The following EGFLAM variants were observed in gnomAD, a reference collection of about 807,000 sequenced individuals.
EGFLAM encodes the protein pikachurin.
A neutral mutation model predicts 113.1 loss-of-function variants in EGFLAM; 79 were observed. The ratio of observed to expected loss-of-function variants is 0.70; its 90% CI spans 0.58 to 0.84. The LOEUF (loss-of-function observed/expected upper bound fraction) is 0.84. EGFLAM is among the 40% of genes least tolerant of loss of function. The pLI, the probability that EGFLAM is intolerant of heterozygous loss-of-function variation, is 0.00. For missense variants in EGFLAM, 1,265 were observed against 1,291.6 expected (o/e 0.98, Z 0.32); for synonymous variants, 504 against 487.6 (o/e 1.03, Z -0.44).
At chr5:38,385,934 T>C (rs1740648673) in intron 6 of EGFLAM, among the ~76,000 whole-genome samples, 1 of 152,204 alleles carries the variant, frequency 6.6e-6, no homozygotes, top group Admixed American at 6.5e-5. Context: ...CTAGGATCTA[T>C]GGTATAGCTT....
intron 6 of EGFLAM, among the ~76,000 whole-genome samples, chr5:38,387,485 T>C (rs1424880554): frequency 1.3e-5 from 2 of 152,190 alleles, no homozygotes; most frequent in Non-Finnish European, 2.9e-5. Context: ...GTAGTTGGTG[T>C]TTTCTCAAGG....
At chr5:38,462,667 C>T (rs1179505319) in intron 20 of EGFLAM, 6 of 441,112 alleles carry the variant, frequency 1.4e-5, no homozygotes, top group African/African-American at 6.0e-5. Context: ...TTGTGGTCTT[C>T]GCCGTGGAGT....
In EGFLAM at chr5:38,262,609, G is replaced by A. The variant is rs180720522; in HGVS notation, c.97+3758G>A. Among the ~76,000 whole-genome samples the A allele has an allele frequency of 8.5e-5, 13 of 152,158 alleles. No homozygotes were observed. In the East Asian group the frequency reaches 1.4e-3, roughly 16 times the overall value. On this transcript the variant is annotated intron_variant, in intron 1 of 21. Coordinates refer to ENST00000322350, the MANE Select transcript of EGFLAM (RefSeq NM_152403.4). ...TCATATTTTGTGTCCACCCTCTGTC[G>A]CATAATGCTTTTAAGATCCATCCAT...
intron 1 of EGFLAM, among the ~76,000 whole-genome samples, chr5:38,287,358 A>G (rs973761027): frequency 2.3e-4 from 35 of 152,276 alleles, no homozygotes; most frequent in Non-Finnish European, 1.0e-4. Flanking sequence ...AGTAGGTTCA[A>G]TGCAGCCCTC....
intron 6 of EGFLAM, chr5:38,402,097 T>C (rs1426288241): frequency 6.6e-6 from 1 of 152,062 alleles, no homozygotes; most frequent in Admixed American, 6.6e-5. Flanking sequence ...TGTAAGGAGA[T>C]AGGAGTGGGA....
At chr5:38,350,295 A>C (rs866071101) in intron 3 of EGFLAM, among the ~76,000 whole-genome samples, 1 of 152,208 alleles carries the variant, frequency 6.6e-6, no homozygotes, top group Non-Finnish European at 1.5e-5. Flanking sequence ...ATTTCAATAA[A>C]GGGCCATCCT....
At chr5:38,277,883 T>C (rs1757924197) in intron 1 of EGFLAM, among the ~76,000 whole-genome samples, 1 of 151,972 alleles carries the variant, frequency 6.6e-6, no homozygotes, top group African/African-American at 2.4e-5. Flanking sequence ...ACGAAAGAAA[T>C]TGAAGAAGAC....
intron 1 of EGFLAM, among the ~76,000 whole-genome samples, chr5:38,317,493 T>TA (rs1319738091): frequency 2.6e-5 from 4 of 152,270 alleles, no homozygotes; most frequent in Admixed American, 2.6e-4. Flanking sequence ...ACTGTCTTTG[T>TA]AAAATGCCAA....
intron 1 of EGFLAM, among the ~76,000 whole-genome samples, chr5:38,266,307 G>A (rs976619609): frequency 6.6e-6 from 1 of 152,130 alleles, no homozygotes; most frequent in Non-Finnish European, 1.5e-5. Flanking sequence ...GTGACAGTGG[G>A]TCAGTTATAT....
At chr5:38,416,495 A>G (rs1236493376) in intron 11 of EGFLAM, among the ~76,000 whole-genome samples, 1 of 152,190 alleles carries the variant, frequency 6.6e-6, no homozygotes, top group East Asian at 1.9e-4. Context: ...ATTTCTCTGT[A>G]CAGGCAGGCA....
intron 6 of EGFLAM, among the ~76,000 whole-genome samples, chr5:38,372,949 C>G: frequency 6.6e-6 from 1 of 151,690 alleles, no homozygotes; most frequent in Non-Finnish European, 1.5e-5. Flanking sequence ...CATGATTTTC[C>G]CATACATAAA....
At chr5:38,345,864 T>C (rs959510333) in intron 3 of EGFLAM, 4 of 152,240 alleles carry the variant, frequency 2.6e-5, no homozygotes, top group Non-Finnish European at 5.9e-5. Context: ...CAAAGATTTA[T>C]GCTGTGTGGT....
At chr5:38,281,702 G>A (rs1758025931) in intron 1 of EGFLAM, among the ~76,000 whole-genome samples, 1 of 152,102 alleles carries the variant, frequency 6.6e-6, no homozygotes, top group Non-Finnish European at 1.5e-5. Flanking sequence ...TACTAGCTAG[G>A]TGAAATGGGG....
Position 38,412,620 on chromosome 5 carries a change from A to C in EGFLAM, c.1466A>C (p.Asn489Thr). Residue 489 changes from asparagine to threonine, a missense_variant, in exon 11 of 22, where the codon AAT (asparagine) becomes ACT (threonine). Asn to Thr is a moderately conservative substitution (Grantham distance 65, BLOSUM62 0). Transcript: ENST00000322350. Reference sequence around the variant, plus strand: ...CTGAACGGGCTGCTGCAGCTGAACAATGGCACCCCAGTGACAGGCCAGTCT... The same window carrying C: ...CTGAACGGGCTGCTGCAGCTGAACACTGGCACCCCAGTGACAGGCCAGTCT... ...DGLNGLLQLN[N>T]GTPVTGQSQG... 6.2e-7 allele frequency: 1 copy of C among 1,614,110 alleles called. No individual in the cohort carries two copies. The highest frequency in any genetic ancestry group is 8.5e-7 in the Non-Finnish European group (1 of 1,180,026).
intron 5 of EGFLAM, among the ~76,000 whole-genome samples, chr5:38,355,419 G>A (rs998073490): frequency 6.6e-6 from 1 of 152,182 alleles, no homozygotes; most frequent in Non-Finnish European, 1.5e-5. Flanking sequence ...CTGGTTGCAA[G>A]AGGTGAGTGA....
At chr5:38,446,083 T>C (rs1466712688) in intron 17 of EGFLAM, among the ~76,000 whole-genome samples, 3 of 152,136 alleles carry the variant, frequency 2.0e-5, no homozygotes, top group African/African-American at 7.2e-5. Context: ...CAGGGACTCC[T>C]TGGTTCCGTT....
At chr5:38,313,194 C>T (rs896090543) in intron 1 of EGFLAM, among the ~76,000 whole-genome samples, 5 of 152,038 alleles carry the variant, frequency 3.3e-5, no homozygotes, top group African/African-American at 4.8e-5. Context: ...ATTTTTTTAT[C>T]TCATGATTTT....
At position 38,352,261 on chromosome 5, in the gene EGFLAM, G is replaced by A; in HGVS notation, c.475G>A (p.Ala159Thr). The change falls in exon 5 of 22, where the codon GCC (alanine) becomes ACC (threonine). Residue 159 changes from alanine (A) to threonine (T), a missense_variant. Coordinates refer to ENST00000322350, the MANE Select transcript of EGFLAM (RefSeq NM_152403.4). ...CATTGTGGTTTCGGATTCTGAGGTG[G>A]CCCTGTCTTGGAAACCTGGAGCGAG... ...HVIVVSDSEV[A>T]LSWKPGASEG... 6.2e-7 allele frequency: 1 copy of A among 1,614,060 alleles called. No homozygotes were observed. The highest frequency in any genetic ancestry group is 1.3e-5 in the African/African-American group (1 of 74,982).
At chr5:38,299,280 T>C (rs1487400074) in intron 1 of EGFLAM, among the ~76,000 whole-genome samples, 1 of 152,198 alleles carries the variant, frequency 6.6e-6, no homozygotes, top group Non-Finnish European at 1.5e-5. Flanking sequence ...TACAACTTTT[T>C]TTGCCTACTT....
Sources: allele counts gnomAD v4.1 joint callset (sites outside exome capture counted in the v4.1 genomes callset), GRCh38; gene constraint gnomAD v4.1.1; transcripts MANE v1.5; gene names NCBI Gene and HGNC (gene_info 2026-07-23, HGNC 2026-07-21).